The following DGKD variants were observed in gnomAD, a reference collection of about 807,000 sequenced individuals.
DGKD encodes DAG kinase delta.
Under a neutral mutation model 154.4 loss-of-function variants are expected in DGKD, and 68 were observed. The ratio of observed to expected loss-of-function variants is 0.44; its 90% CI spans 0.36 to 0.54. DGKD has a LOEUF of 0.54. Ranked by LOEUF, DGKD falls within the 20% of genes least tolerant of loss-of-function variation. The probability of loss-of-function intolerance (pLI) is 0.00; values close to 1 mark genes in which losing one functional copy is unlikely to be tolerated. For missense variants in DGKD, 1,343 were observed against 1,593.6 expected, an observed-to-expected ratio of 0.84 and a Z score of 2.68; for synonymous variants, 693 against 638.0, an observed-to-expected ratio of 1.09 and a Z score of -1.30.
At chr2:233,460,061 C>G (rs2063576163) in intron 23 of DGKD, 133 bp from the exon 24 acceptor site, 2 of 1,467,258 alleles carry the variant, frequency 1.4e-6, no homozygotes, top group Non-Finnish European at 1.8e-6. Context: ...ATCTCCTTCC[C>G]CTAATGTTAA....
chr2:233,439,284 G>A (rs1465349241), intron 9 of DGKD, among the ~76,000 whole-genome samples: 5 of 152,190 alleles, frequency 3.3e-5, no homozygotes, highest in Non-Finnish European at 5.9e-5. Context: ...TGTATTAGGA[G>A]CCAGGGGCTA....
chr2:233,384,927 C>T (rs565001984), intron 1 of DGKD, among the ~76,000 whole-genome samples: 52 of 152,246 alleles, frequency 3.4e-4, no homozygotes, highest in Middle Eastern at 3.4e-3. Flanking sequence ...CCTTATGGGG[C>T]ATTGCTCACT....
At chr2:233,364,923 G>A (rs979994672) in intron 1 of DGKD, among the ~76,000 whole-genome samples, 1 of 152,084 alleles carries the variant, frequency 6.6e-6, no homozygotes, top group African/African-American at 2.4e-5. Flanking sequence ...AAAAGAATAG[G>A]AAAAGATACT....
At chr2:233,362,873 T>G (rs1042551570) in intron 1 of DGKD, among the ~76,000 whole-genome samples, 1 of 152,278 alleles carries the variant, frequency 6.6e-6, no homozygotes, top group Non-Finnish European at 1.5e-5. Context: ...AATTGTCTAG[T>G]GACGTGGTAG....
At chr2:233,385,002 C>T (rs1703096722) in intron 1 of DGKD, among the ~76,000 whole-genome samples, 1 of 152,184 alleles carries the variant, frequency 6.6e-6, no homozygotes, top group African/African-American at 2.4e-5. Context: ...GGTCTGAGCT[C>T]CTGGCCATGC....
At chr2:233,408,379 T>A (rs1440906513) in intron 3 of DGKD, among the ~76,000 whole-genome samples, 5 of 152,246 alleles carry the variant, frequency 3.3e-5, no homozygotes, top group Admixed American at 3.3e-4. Context: ...TAAAAGACTC[T>A]TCCTAATTGC....
Position 233,438,501 on chromosome 2 carries a change from C to G in DGKD, c.1085+122C>G, listed in dbSNP as rs901775896. The G allele has an allele frequency of 1.6e-6, 2 of 1,244,490 alleles. No individual in the cohort carries two copies. Among genetic ancestry groups the G allele is most frequent in the Admixed American group, 5.6e-5 (2 of 35,428 alleles). 77.1% of individuals were successfully genotyped at this position (1,244,490 alleles called of 1,614,324 possible). A position where few individuals can be genotyped will look rare whatever the true frequency, so the allele number is the denominator to read the frequency against. On this transcript the variant is annotated intron_variant, in intron 9 of 29. Transcript: ENST00000264057. This position sits in a 1 kb window ranked among gnomAD's most constrained non-coding sequence, Gnocchi z 4.1. ...TAAATAGGAAAGAAAAGTTGAACTG[C>G]TTCCTTCCCAAATTGCACTTGCAGA...
chr2:233,439,243 G>T (rs1016178986), intron 9 of DGKD, among the ~76,000 whole-genome samples: 1 of 152,324 alleles, frequency 6.6e-6, no homozygotes, highest in African/African-American at 2.4e-5. Flanking sequence ...GGTCTGGCCT[G>T]TATTTCTCTG....
At chr2:233,398,236 G>A (rs1035454354) in intron 3 of DGKD, among the ~76,000 whole-genome samples, 11 of 151,490 alleles carry the variant, frequency 7.3e-5, no homozygotes, top group East Asian at 3.9e-4. Flanking sequence ...TCCGCCTCCC[G>A]GGTTCACGCC....
chr2:233,431,553 C>T (rs780208600), intron 3 of DGKD, among the ~76,000 whole-genome samples: 2 of 152,154 alleles, frequency 1.3e-5, no homozygotes, highest in Non-Finnish European at 2.9e-5. Flanking sequence ...TTGGAGGAAT[C>T]ACATTTTCTG....
At chr2:233,408,288 C>T (rs911390733) in intron 3 of DGKD, among the ~76,000 whole-genome samples, 16 of 152,232 alleles carry the variant, frequency 1.1e-4, no homozygotes, top group Non-Finnish European at 2.4e-4. Flanking sequence ...GTGATCCACC[C>T]ATCTCGGCCT....
intron 27 of DGKD, 85 bp downstream of exon 27, chr2:233,464,368 G>C: frequency 6.5e-7 from 1 of 1,548,368 alleles, no homozygotes; most frequent in Non-Finnish European, 8.8e-7. Context: ...GACCCGTGTG[G>C]CTCTGGGATC....
rs572015493 is a variant in DGKD, at chr2:233,445,903, G to A, written c.1334+141G>A. On this transcript the variant is annotated intron_variant, in intron 11 of 29. Coordinates refer to ENST00000264057, the MANE Select transcript of DGKD (RefSeq NM_152879.3). The surrounding 1 kb of genome is among the most constrained non-coding windows in gnomAD (Gnocchi z 5.5). Reference sequence around the variant, plus strand: ...AAAGATTTGACCTGAGTATATATTCGGATAGTCTTTGATATTTGGTCAGAT... The same window carrying A: ...AAAGATTTGACCTGAGTATATATTCAGATAGTCTTTGATATTTGGTCAGAT... 1.2e-4 allele frequency: 127 copies of A among 1,083,532 alleles called. No homozygotes were observed. Among genetic ancestry groups the A allele is most frequent in the Non-Finnish European group, 1.4e-4 (113 of 790,972 alleles). 67.1% of individuals were successfully genotyped at this position (1,083,532 alleles called of 1,614,324 possible).
At chr2:233,434,650 C>G (rs1400939375) in intron 4 of DGKD, 119 bp from the exon 5 acceptor site, 40 of 1,504,232 alleles carry the variant, frequency 2.7e-5, no homozygotes, top group Admixed American at 3.9e-5. Flanking sequence ...GCAGACCTGT[C>G]CTTTATAAAC....
intron 1 of DGKD, among the ~76,000 whole-genome samples, chr2:233,373,670 A>G (rs750808755): frequency 7.9e-5 from 12 of 152,246 alleles, no homozygotes; most frequent in Non-Finnish European, 1.8e-4. Context: ...AAATGGGTAC[A>G]TTATATGGAA....
chr2:233,385,286 G>C (rs1439140588), intron 1 of DGKD, among the ~76,000 whole-genome samples: 4 of 152,210 alleles, frequency 2.6e-5, no homozygotes, highest in Non-Finnish European at 5.9e-5. Flanking sequence ...CGGGTCAGTG[G>C]GTGGCCGTGG....
intron 2 of DGKD, chr2:233,388,837 C>T (rs1394603888): frequency 1.4e-5 from 2 of 146,212 alleles, no homozygotes; most frequent in African/African-American, 2.5e-5. Flanking sequence ...CCTCCGCCTC[C>T]TGGGTTCAAG....
chr2:233,442,195 G>A, intron 10 of DGKD, 200 bp downstream of exon 10: 1 of 690,374 alleles, frequency 1.4e-6, no homozygotes, highest in South Asian at 1.5e-5. Context: ...TGGAGGCCCG[G>A]GGGCTCTGGC....
At chr2:233,410,265 G>T (rs567759517) in intron 3 of DGKD, among the ~76,000 whole-genome samples, 19 of 152,294 alleles carry the variant, frequency 1.2e-4, no homozygotes, top group African/African-American at 4.1e-4. Context: ...AAGAAAGAGG[G>T]GGGGCTCAAG....
Sources: gnomAD v4.1 joint callset for allele counts (sites outside exome capture counted in the v4.1 genomes callset) on GRCh38, gnomAD v4.1.1 for gene constraint, Gnocchi (gnomAD v3.1) non-coding constraint, MANE v1.5 for transcripts, NCBI Gene and HGNC (gene_info 2026-07-23, HGNC 2026-07-21) for gene names.